WDR47: variants seen among roughly 807,000 people sequenced by gnomAD.
WDR47 encodes the protein WD repeat-containing protein 47.
Under a neutral mutation model 97.2 loss-of-function variants are expected in WDR47, and 32 were observed. That is an observed-to-expected ratio of 0.33 (90% confidence interval 0.25 to 0.44). The LOEUF (loss-of-function observed/expected upper bound fraction) is 0.44. Ranked by LOEUF, WDR47 falls within the 20% of genes least tolerant of loss-of-function variation. WDR47 has a pLI of 1.00. For synonymous variants in WDR47, 375 were observed against 373.5 expected (o/e 1.00, Z -0.05); for missense variants, 782 against 1,102.3 (o/e 0.71, Z 4.11).
intron 9 of WDR47, 173 bp from the exon 10 acceptor site, chr1:108,986,853 A>C: frequency 1.8e-6 from 1 of 558,222 alleles, no homozygotes; most frequent in Non-Finnish European, 3.0e-6. Flanking sequence ...ATTAAATCTT[A>C]CTAATATCCT....
At chr1:109,021,922 A>C (rs1661878586) in intron 2 of WDR47, among the ~76,000 whole-genome samples, 1 of 151,996 alleles carries the variant, frequency 6.6e-6, no homozygotes, top group Non-Finnish European at 1.5e-5. Flanking sequence ...ATCATGGCTC[A>C]CTGCAACCTC....
At chr1:109,034,234 G>A (rs1303049600) in intron 1 of WDR47, among the ~76,000 whole-genome samples, 1 of 152,244 alleles carries the variant, frequency 6.6e-6, no homozygotes, top group Non-Finnish European at 1.5e-5. Context: ...GTTGCAGTGA[G>A]CTGGGATCAC....
At chr1:109,005,657 G>C (rs1660542068) in intron 5 of WDR47, among the ~76,000 whole-genome samples, 1 of 151,566 alleles carries the variant, frequency 6.6e-6, no homozygotes. Context: ...GGCAGATCAC[G>C]AGGTCAGGAG....
intron 4 of WDR47, among the ~76,000 whole-genome samples, chr1:109,012,318 C>T (rs1206640773): frequency 6.6e-6 from 1 of 151,996 alleles, no homozygotes; most frequent in African/African-American, 2.4e-5. Flanking sequence ...CAGTGGCTCA[C>T]ACCTGTAATC....
At chr1:109,023,557 TA>T (rs1280305992) in intron 1 of WDR47, 36 bp from the exon 2 acceptor site, 12 of 1,575,400 alleles carry the variant, frequency 7.6e-6, no homozygotes, top group Non-Finnish European at 9.5e-6. Context: ...AAGCTAGTCC[TA>T]TTGATTTATT....
In WDR47 at chr1:109,013,908, A is replaced by C. The variant is rs1200990750; in HGVS notation, c.260T>G (p.Leu87Arg). 6.2e-7 allele frequency: 1 copy of C among 1,611,066 alleles called. No individual in the cohort carries two copies. Among genetic ancestry groups the C allele is most frequent in the Admixed American group, 1.7e-5 (1 of 59,398 alleles). Reference sequence around the variant, plus strand: ...TAAAGCTTCTAAAAACTTCTGCTTCAGGATAATATAACGAAACCTGTGGGA... The same window carrying C: ...TAAAGCTTCTAAAAACTTCTGCTTCCGGATAATATAACGAAACCTGTGGGA... Reference protein sequence around the residue: ...FDKKRFRYIILKQKFLEALCV... With the variant: ...FDKKRFRYIIRKQKFLEALCV... Residue 87 changes from leucine to arginine, a missense_variant, in exon 4 of 15, where the codon CTG (leucine) becomes CGG (arginine). This residue lies in a region of WDR47 where 428 missense variants were observed against 584.3 expected (regional missense o/e 0.73). Transcript: ENST00000369962.
intron 1 of WDR47, among the ~76,000 whole-genome samples, chr1:109,026,488 T>A (rs1662226194): frequency 6.6e-6 from 1 of 152,206 alleles, no homozygotes; most frequent in Admixed American, 6.6e-5. Context: ...TTCTTTTTTT[T>A]ATTTTTACTG....
chr1:109,035,247 G>GAA (rs1174235842), intron 1 of WDR47, among the ~76,000 whole-genome samples: 18 of 64,820 alleles, frequency 2.8e-4, no homozygotes, highest in Middle Eastern at 0.01. Context: ...CCCTGTCTCA[G>GAA]AAAAAAAAAA....
intron 14 of WDR47, among the ~76,000 whole-genome samples, chr1:108,972,480 A>T (rs1657529639): frequency 6.6e-6 from 1 of 152,180 alleles, no homozygotes; most frequent in Admixed American, 6.5e-5. Flanking sequence ...TATACTTTTT[A>T]AAATGCTTAT....
intron 13 of WDR47, among the ~76,000 whole-genome samples, chr1:108,979,754 T>C (rs1658196031): frequency 6.6e-6 from 1 of 152,200 alleles, no homozygotes; most frequent in South Asian, 2.1e-4. Flanking sequence ...TAGAGTTATA[T>C]CAGTTTTGGT....
intron 3 of WDR47, among the ~76,000 whole-genome samples, chr1:109,014,960 T>A (rs1661310713): frequency 6.6e-6 from 1 of 151,798 alleles, no homozygotes; most frequent in Non-Finnish European, 1.5e-5. Flanking sequence ...AAAAAGAGGG[T>A]CACCTAATAA....
At position 109,030,211 on chromosome 1, in the gene WDR47, T is replaced by C. The variant is rs142150841; in HGVS notation, c.-9-6690A>G. ...TATAAATCACCACGGTCTTTAGCCATGCACAAATGGTAGTTTTGTGTGTTG... is the reference window on the plus strand; with the variant it reads ...TATAAATCACCACGGTCTTTAGCCACGCACAAATGGTAGTTTTGTGTGTTG... On this transcript the variant is annotated intron_variant, in intron 1 of 14. Coordinates refer to ENST00000369962, the MANE Select transcript of WDR47 (RefSeq NM_001142551.2). The C allele has an allele frequency of 1.5e-3, 2,249 of 1,548,842 alleles. 18 individuals are homozygous for C. Among genetic ancestry groups the C allele is most frequent in the Admixed American group, 0.013 (755 of 57,270 alleles).
chr1:109,000,530 G>T (rs1040552497), intron 7 of WDR47, among the ~76,000 whole-genome samples: 1 of 110,644 alleles, frequency 9.0e-6, no homozygotes, highest in Non-Finnish European at 1.9e-5. Context: ...AAAAAAAAAG[G>T]CCAGGCGTGG....
chr1:109,023,085 C>T (rs1661966153), intron 2 of WDR47, among the ~76,000 whole-genome samples: 1 of 151,570 alleles, frequency 6.6e-6, no homozygotes, highest in Admixed American at 6.6e-5. Context: ...CGCCTGTAGT[C>T]CCAGCTACGC....
chr1:109,008,110 G>C (rs1337233528), intron 5 of WDR47, among the ~76,000 whole-genome samples: 3 of 143,556 alleles, frequency 2.1e-5, no homozygotes, highest in Non-Finnish European at 4.6e-5. Flanking sequence ...TCAAAAAAAA[G>C]AAAAAAAAAA....
chr1:109,001,635 A>G (rs1232468069), intron 7 of WDR47, among the ~76,000 whole-genome samples: 2 of 152,170 alleles, frequency 1.3e-5, no homozygotes, highest in Non-Finnish European at 2.9e-5. Context: ...CATGCCTGTA[A>G]TTCCTGCACT....
In WDR47 at chr1:109,033,957, G is replaced by C. The variant is rs148314905; in HGVS notation, c.-10+7905C>G. On this transcript the variant is annotated intron_variant, in intron 1 of 14. Transcript: ENST00000369962. ...TAAAAGAAGAATGTAAACTGGGACT[G>C]ACTTTTTGAGAGAATTTGACAGCAT... is the stretch of plus-strand genomic sequence containing the variant. 4.7e-3 allele frequency among the ~76,000 whole-genome samples: 709 copies of C among 152,326 alleles called. 6 individuals carry two copies. Among genetic ancestry groups the C allele is most frequent in the African/African-American group, 0.017 (687 of 41,574 alleles).
At chr1:109,001,575 G>T (rs1267629362) in intron 7 of WDR47, among the ~76,000 whole-genome samples, 1 of 152,108 alleles carries the variant, frequency 6.6e-6, no homozygotes, top group Admixed American at 6.6e-5. Context: ...TGGTAACCTT[G>T]TAAGAAGGTT....
chr1:109,014,132 AAAC>A (rs1379116698), intron 3 of WDR47, among the ~76,000 whole-genome samples: 2 of 152,222 alleles, frequency 1.3e-5, no homozygotes, highest in South Asian at 2.1e-4. Context: ...TATTAATTGT[AAAC>A]AACAATCCAA....
Sources: gnomAD v4.1 joint callset for allele counts (sites outside exome capture counted in the v4.1 genomes callset) on GRCh38, gnomAD v4.1.1 for gene constraint, gnomAD v4.1.1 regional missense constraint, MANE v1.5 for transcripts, NCBI Gene and HGNC (gene_info 2026-07-23, HGNC 2026-07-21) for gene names.